The following GRM8 variants were observed in gnomAD, a reference collection of about 807,000 sequenced individuals.
GRM8 encodes glutamate metabotropic receptor 8.
GRM8 carries 47 observed loss-of-function variants against 87.2 expected under a neutral mutation model. The ratio of observed to expected loss-of-function variants is 0.54; its 90% confidence interval spans 0.43 to 0.69. GRM8 has a LOEUF of 0.69. GRM8 is among the 30% of genes least tolerant of loss of function. GRM8 has a pLI of 0.00. For synonymous variants in GRM8, 396 were observed against 404.5 expected (o/e 0.98, Z 0.25); for missense variants, 1,019 against 1,139.2 (o/e 0.89, Z 1.52).
Position 126,858,519 on chromosome 7 carries a change from C to A in GRM8, c.1156+44023G>T, listed in dbSNP as rs553679497. 3.8e-4 allele frequency among the ~76,000 whole-genome samples: 58 copies of A among 152,258 alleles called. No individual in the cohort carries two copies. In the South Asian group the frequency reaches 0.012, roughly 32 times the overall value. On this transcript the variant is annotated intron_variant, in intron 6 of 10. Coordinates refer to ENST00000339582, the MANE Select transcript of GRM8 (RefSeq NM_000845.3). ...TCCATTGTTTTGAACTAAGATCCTGCACTTGGCTCCAACAGATAAAGGGCT... is the reference window on the plus strand; with the variant it reads ...TCCATTGTTTTGAACTAAGATCCTGAACTTGGCTCCAACAGATAAAGGGCT...
Position 126,770,057 on chromosome 7 carries a change from G to A in GRM8, c.1165C>T (p.Arg389Ter), listed in dbSNP as rs138538736. 5 of 1,609,812 alleles carry A rather than the reference G, an allele frequency of 3.1e-6. No individual in the cohort carries two copies. Among genetic ancestry groups the A allele is most frequent in the Admixed American group, 1.7e-5 (1 of 59,748 alleles). The stretch of plus-strand genomic sequence containing the variant: ...TCATAAGATGAATCCCGAGCAATTC[G>A]CTCCAGCCCTGCAAAATAAAAAAGT... Reference protein sequence around the residue: ...SHIKKCTGLERIARDSSYEQE... With the variant: ...SHIKKCTGLE The change falls in exon 7 of 11, where the codon CGA becomes TGA. Residue 389 changes from arginine (R) to a stop codon, truncating the protein, a stop_gained. Transcript: ENST00000339582. LOFTEE classifies it high-confidence loss of function.
At chr7:127,073,941 A>G (rs1821991371) in intron 3 of GRM8, among the ~76,000 whole-genome samples, 1 of 152,226 alleles carries the variant, frequency 6.6e-6, no homozygotes, top group Admixed American at 6.5e-5. Flanking sequence ...TACAGACAAG[A>G]CTGAAACATT....
At chr7:126,757,212 T>C (rs1236963729) in intron 7 of GRM8, among the ~76,000 whole-genome samples, 1 of 152,108 alleles carries the variant, frequency 6.6e-6, no homozygotes, top group African/African-American at 2.4e-5. Context: ...ATTATACAAT[T>C]TTATTTATAT....
intron 6 of GRM8, among the ~76,000 whole-genome samples, chr7:126,784,108 G>C (rs1237618317): frequency 6.6e-6 from 1 of 152,152 alleles, no homozygotes; most frequent in Non-Finnish European, 1.5e-5. Context: ...GTGAGCTTTA[G>C]TGGGCTGCAT....
At chr7:127,154,857 AC>A in intron 2 of GRM8, among the ~76,000 whole-genome samples, 1 of 152,254 alleles carries the variant, frequency 6.6e-6, no homozygotes, top group Non-Finnish European at 1.5e-5. Flanking sequence ...CAGTTTTTGA[AC>A]TCAAACTGTC....
At chr7:126,757,805 T>C (rs577367171) in intron 7 of GRM8, among the ~76,000 whole-genome samples, 2 of 152,282 alleles carry the variant, frequency 1.3e-5, no homozygotes, top group Admixed American at 1.3e-4. Flanking sequence ...TATATTCTAG[T>C]ACACATTCCC....
chr7:127,047,034 A>G (rs1226507081), intron 3 of GRM8, among the ~76,000 whole-genome samples: 4 of 152,188 alleles, frequency 2.6e-5, no homozygotes, highest in Non-Finnish European at 4.4e-5. Flanking sequence ...CTCTAATTTA[A>G]TCCCTACATT....
chr7:126,808,301 T>C (rs1792965883), intron 6 of GRM8, among the ~76,000 whole-genome samples: 1 of 152,032 alleles, frequency 6.6e-6, no homozygotes, highest in Non-Finnish European at 1.5e-5. Flanking sequence ...TTCTGACCCA[T>C]CACCTACCGA....
At chr7:126,511,678 C>T (rs1370023923) in intron 9 of GRM8, 1 of 152,052 alleles carries the variant, frequency 6.6e-6, no homozygotes, top group African/African-American at 2.4e-5. Context: ...GGCACAAAGG[C>T]CAAGGCATGC....
At chr7:126,620,461 C>T (rs1162953554) in intron 7 of GRM8, among the ~76,000 whole-genome samples, 1 of 152,014 alleles carries the variant, frequency 6.6e-6, no homozygotes, top group East Asian at 1.9e-4. Flanking sequence ...GTAGGCATCT[C>T]AAGCACTCCA....
intron 2 of GRM8, among the ~76,000 whole-genome samples, chr7:127,164,423 G>A (rs1793311018): frequency 6.6e-6 from 1 of 152,156 alleles, no homozygotes; most frequent in African/African-American, 2.4e-5. Context: ...AAGGCTGCAA[G>A]TGATGTGTTT....
At chr7:126,644,013 T>C (rs1245237705) in intron 7 of GRM8, among the ~76,000 whole-genome samples, 1 of 152,230 alleles carries the variant, frequency 6.6e-6, no homozygotes, top group Non-Finnish European at 1.5e-5. Flanking sequence ...AAAAGTGGGT[T>C]TGGTTAAAAG....
intron 7 of GRM8, among the ~76,000 whole-genome samples, chr7:126,688,304 A>G (rs960418617): frequency 3.3e-5 from 5 of 152,230 alleles, no homozygotes; most frequent in Non-Finnish European, 5.9e-5. Flanking sequence ...CATATTTTTC[A>G]GGAAATTAAA....
intron 3 of GRM8, among the ~76,000 whole-genome samples, chr7:127,078,850 C>T (rs1374154431): frequency 6.6e-6 from 1 of 152,144 alleles, no homozygotes; most frequent in East Asian, 1.9e-4. Flanking sequence ...TTTTCCAAAG[C>T]TTTGTAAGCA....
At chr7:126,652,667 A>G (rs995414947) in intron 7 of GRM8, among the ~76,000 whole-genome samples, 1 of 152,128 alleles carries the variant, frequency 6.6e-6, no homozygotes, top group Non-Finnish European at 1.5e-5. Flanking sequence ...GCCCTCGAAC[A>G]TGAGACTCCA....
intron 3 of GRM8, among the ~76,000 whole-genome samples, chr7:127,035,941 T>C (rs1402421190): frequency 6.6e-5 from 10 of 152,198 alleles, no homozygotes; most frequent in Non-Finnish European, 1.3e-4. Context: ...TATTTCTCTC[T>C]TCTGACTTCC....
intron 6 of GRM8, among the ~76,000 whole-genome samples, chr7:126,867,454 T>C (rs1798699221): frequency 6.6e-6 from 1 of 152,238 alleles, no homozygotes; most frequent in Non-Finnish European, 1.5e-5. Context: ...TGGAGACTTT[T>C]ATAAATTTCT....
At chr7:126,498,463 C>G (rs1031166326) in intron 9 of GRM8, among the ~76,000 whole-genome samples, 11 of 151,770 alleles carry the variant, frequency 7.2e-5, no homozygotes, top group South Asian at 2.1e-4. Flanking sequence ...GCAAGAGTAC[C>G]TGGTTTCCAG....
intron 2 of GRM8, among the ~76,000 whole-genome samples, chr7:127,120,902 AT>A (rs1827050442): frequency 6.6e-6 from 1 of 152,174 alleles, no homozygotes; most frequent in African/African-American, 2.4e-5. Flanking sequence ...CATGGAGTTT[AT>A]TTTTAGTGTC....
Sources: gnomAD v4.1 joint callset for allele counts (sites outside exome capture counted in the v4.1 genomes callset) on GRCh38, gnomAD v4.1.1 for gene constraint, MANE v1.5 for transcripts, NCBI Gene and HGNC (gene_info 2026-07-23, HGNC 2026-07-21) for gene names.